Variants in LGALS9 observed in about 807,000 individuals in gnomAD.
LGALS9 encodes the protein galectin 9, also known as galectin-9.
In LGALS9, 26 loss-of-function variants were observed where a neutral mutation model predicts 35.9. The ratio of observed to expected loss-of-function variants is 0.72; its 90% CI spans 0.53 to 1.01. The LOEUF is 1.01. Ranked by LOEUF, LGALS9 falls within the 50% of genes least tolerant of loss-of-function variation. The probability of loss-of-function intolerance (pLI) is 0.00; values close to 1 mark genes in which losing one functional copy is unlikely to be tolerated. For missense variants in LGALS9, 347 were observed against 445.8 expected (o/e 0.78, Z 1.99); for synonymous variants, 149 against 172.2 (o/e 0.87, Z 1.06).
chr17:27,648,223 A>T (rs1905082224), intron 10 of LGALS9, among the ~76,000 whole-genome samples: 1 of 152,260 alleles, frequency 6.6e-6, no homozygotes, highest in Non-Finnish European at 1.5e-5. Flanking sequence ...ACACAGTGAA[A>T]AGCCTCAGGA....
chr17:27,646,030 T>A, intron 7 of LGALS9, 119 bp downstream of exon 7: 1 of 1,092,424 alleles, frequency 9.2e-7, no homozygotes, highest in South Asian at 1.4e-5. Context: ...ATGGGGACAC[T>A]AGGGGCTGAG....
chr17:27,645,949 G>A (rs1279141027), intron 7 of LGALS9, 38 bp downstream of exon 7: 2 of 1,612,280 alleles, frequency 1.2e-6, no homozygotes, highest in Admixed American at 1.7e-5. Flanking sequence ...CAGCTGCACA[G>A]TGTCCTCCTT....
chr17:27,633,839 G>A (rs1000895572), intron 1 of LGALS9, among the ~76,000 whole-genome samples: 7 of 152,210 alleles, frequency 4.6e-5, no homozygotes, highest in Non-Finnish European at 8.8e-5. Context: ...GAACACTGTC[G>A]GGTGGTGTTA....
At position 27,649,491 on chromosome 17, in the gene LGALS9, T is replaced by G. The variant is rs1422778193; in HGVS notation, c.*509T>G. On this transcript the variant is annotated 3_prime_UTR_variant, in exon 11 of 11. Transcript: ENST00000395473. ...CCTCCACCACCTGACCAGAGTGTTC[T>G]CTTCAGAGGACTGGCTCCTTTCCCA... 2.8e-5 allele frequency: 5 copies of G among 179,110 alleles called. No homozygotes were observed. The highest frequency in any genetic ancestry group is 4.8e-5 in the Non-Finnish European group (4 of 82,856). 11.1% of individuals were successfully genotyped at this position (179,110 alleles called of 1,614,324 possible).
chr17:27,647,544 A>G, intron 10 of LGALS9, 112 bp downstream of exon 10: 1 of 1,424,534 alleles, frequency 7.0e-7, no homozygotes, highest in Non-Finnish European at 9.5e-7. Context: ...CTCTGGGATG[A>G]AGGCCCAAAA....
intron 2 of LGALS9, 146 bp from the exon 3 acceptor site, chr17:27,640,426 A>T (rs1904375968): frequency 8.1e-7 from 1 of 1,239,018 alleles, no homozygotes; most frequent in South Asian, 1.4e-5. Flanking sequence ...TTAGAAAAAC[A>T]AAAACGATGC....
chr17:27,633,952 C>T (rs1473412348), intron 1 of LGALS9, among the ~76,000 whole-genome samples: 1 of 152,206 alleles, frequency 6.6e-6, no homozygotes, highest in Non-Finnish European at 1.5e-5. Flanking sequence ...AGCCCAGTCC[C>T]GTGGGACCAT....
At chr17:27,637,526 C>T (rs1299424949) in intron 1 of LGALS9, among the ~76,000 whole-genome samples, 1 of 152,166 alleles carries the variant, frequency 6.6e-6, no homozygotes, top group South Asian at 2.1e-4. Context: ...AGTGGTTGCC[C>T]GTGGGGCCTG....
Position 27,649,057 on chromosome 17 carries a change from G to C in LGALS9, c.*75G>C, listed in dbSNP as rs1905136922. The C allele has an allele frequency of 2.5e-6, 4 of 1,601,606 alleles. No homozygotes were observed. Among genetic ancestry groups the C allele is most frequent in the Admixed American group, 3.4e-5 (2 of 59,420 alleles). ...TCCTCTCATCATCCCCACTTCCCAG[G>C]CCCAGCCTTTCCAACCCTGCCTGGG... is the stretch of plus-strand genomic sequence containing the variant. On this transcript the variant is annotated 3_prime_UTR_variant, in exon 11 of 11. Transcript: ENST00000395473.
At chr17:27,634,418 G>A (rs2074421264) in intron 1 of LGALS9, among the ~76,000 whole-genome samples, 1 of 152,134 alleles carries the variant, frequency 6.6e-6, no homozygotes, top group Admixed American at 6.5e-5. Context: ...AGGTGTGGTG[G>A]TGCATGCCTG....
chr17:27,641,117 G>A, intron 3 of LGALS9: 1 of 465,580 alleles, frequency 2.1e-6, no homozygotes, highest in South Asian at 1.8e-5. Flanking sequence ...TTATTTTTCA[G>A]CGACATCGTT....
chr17:27,642,046 G>A (rs778903570), intron 3 of LGALS9, among the ~76,000 whole-genome samples, 192 bp from the exon 4 acceptor site: 1 of 152,082 alleles, frequency 6.6e-6, no homozygotes, highest in Non-Finnish European at 1.5e-5. Context: ...CCAGAAGAAC[G>A]AAAAGTCCAA....
intron 1 of LGALS9, among the ~76,000 whole-genome samples, chr17:27,637,715 T>C (rs948643650): frequency 6.6e-5 from 10 of 152,088 alleles, no homozygotes; most frequent in Non-Finnish European, 1.3e-4. Flanking sequence ...TGTTATATGG[T>C]GGTGGTGGGG....
Position 27,643,611 on chromosome 17 carries a change from C to G in LGALS9, c.531C>G (p.Arg177=). ...PVCFPPRPRG[R]RQKPPGVWPA... ...GTTTCCCACCCAGGCCCAGGGGGCG[C>G]AGACAAAAAGTGAGTTCAACACAGA... The change falls in exon 5 of 11, where the codon CGC becomes CGG. Residue 177 remains arginine (R), a synonymous_variant. Coordinates refer to ENST00000395473, the MANE Select transcript of LGALS9 (RefSeq NM_009587.3). The G allele has an allele frequency of 3.7e-6, 6 of 1,610,584 alleles. No homozygotes were observed. Among genetic ancestry groups the G allele is most frequent in the Non-Finnish European group, 5.1e-6 (6 of 1,179,306 alleles).
At chr17:27,647,152 G>A in intron 9 of LGALS9, 34 bp downstream of exon 9, 8 of 1,614,182 alleles carry the variant, frequency 5.0e-6, no homozygotes, top group African/African-American at 1.3e-5. Context: ...TCTGGGAAGA[G>A]AGAGCCCTTC....
At chr17:27,643,948 CCTT>C (rs1904727624) in intron 5 of LGALS9, 3 of 305,002 alleles carry the variant, frequency 9.8e-6, no homozygotes, top group South Asian at 7.3e-5. Context: ...GCCACAGTGA[CCTT>C]CTTATAAGCA....
intron 5 of LGALS9, chr17:27,644,303 CAG>C (rs1477020659): frequency 6.5e-6 from 1 of 154,180 alleles, no homozygotes; most frequent in East Asian, 1.9e-4. Context: ...GGTGTCCCCA[CAG>C]AGTCTGTATG....
At chr17:27,646,410 A>G in intron 7 of LGALS9, 137 bp from the exon 8 acceptor site, 1 of 1,340,376 alleles carries the variant, frequency 7.5e-7, no homozygotes, top group Non-Finnish European at 1.1e-6. Flanking sequence ...AGGGAGGTAG[A>G]CGGGCGAGTC....
Position 27,644,147 on chromosome 17 carries a change from C to G in LGALS9, c.540+527C>G, listed in dbSNP as rs574013478. ...CTCACTCAAGGCCCTCTTGGGCCAC[C>G]ATGCTTTTGCATATGCTGTCCCTGG... On this transcript the variant is annotated intron_variant, in intron 5 of 10. Coordinates refer to ENST00000395473, the MANE Select transcript of LGALS9 (RefSeq NM_009587.3). 1.4e-3 allele frequency: 216 copies of G among 154,000 alleles called. 1 individual carries two copies. Among genetic ancestry groups the G allele is most frequent in the African/African-American group, 4.8e-3 (200 of 41,602 alleles). 9.5% of individuals were successfully genotyped at this position (154,000 alleles called of 1,614,324 possible).
Sources: gnomAD v4.1 joint callset for allele counts (sites outside exome capture counted in the v4.1 genomes callset) on GRCh38, gnomAD v4.1.1 for gene constraint, MANE v1.5 for transcripts, NCBI Gene and HGNC (gene_info 2026-07-23, HGNC 2026-07-21) for gene names.